NIPAL3: variants seen among roughly 807,000 people sequenced by gnomAD.
NIPAL3 encodes NIPA-like protein 3.
A neutral mutation model predicts 47.2 loss-of-function variants in NIPAL3; 41 were observed. The ratio of observed to expected loss-of-function variants is 0.87; its 90% confidence interval spans 0.68 to 1.13. The LOEUF is 1.13. NIPAL3 is among the 50% of genes most tolerant of loss of function. The pLI is 0.00. For missense variants in NIPAL3, 449 were observed against 530.1 expected, an observed-to-expected ratio of 0.85 and a Z score of 1.50; for synonymous variants, 194 against 209.6, an observed-to-expected ratio of 0.93 and a Z score of 0.64.
intron 2 of NIPAL3, among the ~76,000 whole-genome samples, chr1:24,431,594 C>T (rs1644881206): frequency 6.6e-6 from 1 of 152,120 alleles, no homozygotes; most frequent in Admixed American, 6.5e-5. Context: ...GTCCTAATAA[C>T]ATCACTCAGA....
At chr1:24,456,065 T>C in intron 7 of NIPAL3, 73 bp from the exon 8 acceptor site, 1 of 1,580,544 alleles carries the variant, frequency 6.3e-7, no homozygotes, top group Non-Finnish European at 8.7e-7. Flanking sequence ...TTTGGGGTTA[T>C]AGACTGGCTT....
rs1645825988 is a variant in NIPAL3, at chr1:24,449,444, G to A, written c.395-37G>A. 3 of 1,609,414 alleles carry A rather than the reference G, an allele frequency of 1.9e-6. No homozygotes were observed. Among genetic ancestry groups the A allele is most frequent in the African/African-American group, 2.7e-5 (2 of 74,804 alleles). ...ACGTGTACTGTATCTTGGGCCTGTT[G>A]TTGCAATGAGTCCGTGACAGCCTCT... On this transcript the variant is annotated intron_variant, in intron 5 of 11. Transcript: ENST00000374399. The surrounding 1 kb of genome is among the most constrained non-coding windows in gnomAD (Gnocchi z 4.5).
chr1:24,431,647 A>G (rs1245165117), intron 2 of NIPAL3, among the ~76,000 whole-genome samples: 1 of 152,130 alleles, frequency 6.6e-6, no homozygotes, highest in Admixed American at 6.6e-5. Context: ...GTCTTGGAAT[A>G]GGGCTTCTCT....
At position 24,430,607 on chromosome 1, in the gene NIPAL3, G is replaced by A. The variant is rs977264332; in HGVS notation, c.94-9565G>A. 2.0e-5 allele frequency among the ~76,000 whole-genome samples: 3 copies of A among 152,286 alleles called. No individual in the cohort carries two copies. The South Asian group carries it at 6.2e-4, about 32-fold the overall frequency. ...AGTTACATGCTAAAAGTCACATCATGATAAACTATTTTCATCAGCTAACGA... is the reference window on the plus strand; with the variant it reads ...AGTTACATGCTAAAAGTCACATCATAATAAACTATTTTCATCAGCTAACGA... On this transcript the variant is annotated intron_variant, in intron 2 of 11. Transcript: ENST00000374399.
At chr1:24,424,352 C>T (rs568102769) in intron 2 of NIPAL3, among the ~76,000 whole-genome samples, 29 of 152,170 alleles carry the variant, frequency 1.9e-4, no homozygotes, top group Non-Finnish European at 3.5e-4. Flanking sequence ...TCCCTCCCAA[C>T]GGCTGTGTGG....
Position 24,449,411 on chromosome 1 carries a change from G to A in NIPAL3, c.395-70G>A. On this transcript the variant is annotated intron_variant, in intron 5 of 11. Coordinates refer to ENST00000374399, the MANE Select transcript of NIPAL3 (RefSeq NM_020448.5). This position sits in a 1 kb window ranked among gnomAD's most constrained non-coding sequence, Gnocchi z 4.5. ...TTGCAGGAGAAGCCTGTTTTTTCAT[G>A]GCTGAGAACGTGTACTGTATCTTGG... 1 of 1,495,548 alleles carries A rather than the reference G, an allele frequency of 6.7e-7. No homozygotes were observed. The highest frequency in any genetic ancestry group is 9.0e-7 in the Non-Finnish European group (1 of 1,105,892). 92.6% of individuals were successfully genotyped at this position (1,495,548 alleles called of 1,614,324 possible).
intron 5 of NIPAL3, among the ~76,000 whole-genome samples, chr1:24,447,713 G>T (rs1645736502): frequency 6.6e-6 from 1 of 152,228 alleles, no homozygotes; most frequent in South Asian, 2.1e-4. Flanking sequence ...ATCCCTTTGG[G>T]AATACTCTAG....
intron 10 of NIPAL3, among the ~76,000 whole-genome samples, chr1:24,461,945 T>C (rs1646491366): frequency 6.6e-6 from 1 of 152,076 alleles, no homozygotes; most frequent in South Asian, 2.1e-4. Flanking sequence ...AGAGTACATC[T>C]GTATTAGTCC....
intron 7 of NIPAL3, 32 bp downstream of exon 7, chr1:24,453,536 C>A: frequency 1.3e-6 from 2 of 1,537,304 alleles, no homozygotes; most frequent in East Asian, 2.3e-5. Flanking sequence ...TGAGTTTTGC[C>A]ACCACCAAGA....
At chr1:24,456,058 G>A in intron 7 of NIPAL3, 80 bp from the exon 8 acceptor site, 1 of 1,547,584 alleles carries the variant, frequency 6.5e-7, no homozygotes. Context: ...CAAGTCCTTT[G>A]GGGTTATAGA....
chr1:24,416,110 A>C lies in NIPAL3; in HGVS notation c.-258+206A>C, dbSNP rs546532088. ...GAGGAGCGGGGGCATGGGCTACCTT[A>C]CTAAAGGTGATGCCAGGCTCTACCA... On this transcript the variant is annotated intron_variant, in intron 1 of 11. Transcript: ENST00000374399. The surrounding 1 kb of genome is among the most constrained non-coding windows in gnomAD (Gnocchi z 4.8). 1 of 985,424 alleles carries C rather than the reference A, an allele frequency of 1.0e-6. No individual in the cohort carries two copies. The highest frequency in any genetic ancestry group is 4.7e-5 in the South Asian group (1 of 21,288). The allele number at this position is 985,424 out of a possible 1,614,324, so 61.0% of individuals were successfully genotyped here.
intron 2 of NIPAL3, among the ~76,000 whole-genome samples, chr1:24,426,914 C>T (rs566910858): frequency 4.7e-4 from 72 of 152,340 alleles, no homozygotes; most frequent in Middle Eastern, 3.4e-3. Flanking sequence ...TGCCTGTCAG[C>T]TGGGAACCAT....
At chr1:24,422,807 C>T (rs988971276) in intron 2 of NIPAL3, among the ~76,000 whole-genome samples, 11 of 152,216 alleles carry the variant, frequency 7.2e-5, no homozygotes, top group African/African-American at 2.2e-4. Context: ...GAGGTGTCCA[C>T]GTGCTTCACA....
At chr1:24,429,641 G>C (rs1340703203) in intron 2 of NIPAL3, among the ~76,000 whole-genome samples, 3 of 152,222 alleles carry the variant, frequency 2.0e-5, no homozygotes, top group Non-Finnish European at 4.4e-5. Context: ...TAGGTTGAAT[G>C]CAGAAGCAAA....
intron 2 of NIPAL3, among the ~76,000 whole-genome samples, chr1:24,421,175 C>A (rs1644311669): frequency 6.6e-6 from 1 of 151,720 alleles, no homozygotes; most frequent in Non-Finnish European, 1.5e-5. Context: ...AAAAAATTAG[C>A]CAGGTGTGGT....
chr1:24,456,057 T>C, intron 7 of NIPAL3, 81 bp from the exon 8 acceptor site: 2 of 1,545,882 alleles, frequency 1.3e-6, no homozygotes, highest in South Asian at 1.2e-5. Context: ...CCAAGTCCTT[T>C]GGGGTTATAG....
chr1:24,455,991 T>C (rs1483358940), intron 7 of NIPAL3, 147 bp from the exon 8 acceptor site: 4 of 887,258 alleles, frequency 4.5e-6, no homozygotes, highest in Non-Finnish European at 7.2e-6. Context: ...AAACGGCGTC[T>C]GTCACTGTGC....
intron 11 of NIPAL3, chr1:24,464,510 A>T (rs185434376): frequency 6.5e-6 from 1 of 154,890 alleles, no homozygotes; most frequent in African/African-American, 2.4e-5. Flanking sequence ...CACTCCCTGG[A>T]TGCCACAAGG....
Position 24,460,519 on chromosome 1 carries a change from C to G in NIPAL3, c.901C>G (p.Leu301Val). The change falls in exon 10 of 12, where the codon CTG (leucine) becomes GTG (valine). Residue 301 changes from leucine (L) to valine (V), a missense_variant. Leu to Val is a conservative substitution (Grantham distance 32). Coordinates refer to ENST00000374399, the MANE Select transcript of NIPAL3 (RefSeq NM_020448.5). ...FYLDFIGEDV[L>V]HICMFALGCL... is the part of the protein sequence containing the mutation. ...CCTGGACTTCATCGGGGAGGACGTG[C>G]TGCACATCTGCATGTTTGCACTGGG... The G allele has an allele frequency of 6.3e-7, 1 of 1,583,468 alleles. No homozygotes were observed. Among genetic ancestry groups the G allele is most frequent in the Non-Finnish European group, 8.6e-7 (1 of 1,168,478 alleles).
Sources: gnomAD v4.1 joint callset for allele counts (sites outside exome capture counted in the v4.1 genomes callset) on GRCh38, gnomAD v4.1.1 for gene constraint, Gnocchi (gnomAD v3.1) non-coding constraint, MANE v1.5 for transcripts, NCBI Gene and HGNC (gene_info 2026-07-23, HGNC 2026-07-21) for gene names.